The following CSMD1 variants were observed in gnomAD, a reference collection of about 807,000 sequenced individuals.
CSMD1 encodes CUB and sushi domain-containing protein 1.
Under a neutral mutation model 417.5 loss-of-function variants are expected in CSMD1, and 213 were observed. The observed-to-expected ratio is 0.51, with a 90% CI of 0.46 to 0.57. The LOEUF is 0.57. CSMD1 is among the 20% of genes least tolerant of loss of function. CSMD1 has a pLI of 0.00. For missense variants in CSMD1, 6,923 were observed against 4,529.7 expected, an observed-to-expected ratio of 1.53 and a Z score of -15.17; for synonymous variants, 2,862 against 1,736.8, an observed-to-expected ratio of 1.65 and a Z score of -16.11.
At chr8:3,790,165 T>A (rs953838851) in intron 5 of CSMD1, among the ~76,000 whole-genome samples, 3 of 152,258 alleles carry the variant, frequency 2.0e-5, no homozygotes, top group Admixed American at 6.5e-5. Flanking sequence ...CGTTTTATAA[T>A]TTCAAATACA....
At chr8:4,648,231 T>C (rs570911755) in intron 1 of CSMD1, among the ~76,000 whole-genome samples, 1 of 152,364 alleles carries the variant, frequency 6.6e-6, no homozygotes, top group African/African-American at 2.4e-5. Flanking sequence ...GAAGTGTCTG[T>C]TCATATCCTT....
At chr8:4,629,369 T>C (rs868677238) in intron 2 of CSMD1, among the ~76,000 whole-genome samples, 15 of 152,324 alleles carry the variant, frequency 9.8e-5, no homozygotes, top group South Asian at 6.2e-4. Context: ...CGAGCTATCA[T>C]ACTGCATTGT....
intron 5 of CSMD1, among the ~76,000 whole-genome samples, chr8:3,777,119 C>T (rs1267758330): frequency 2.2e-5 from 1 of 45,192 alleles, no homozygotes; most frequent in Non-Finnish European, 4.1e-5. Flanking sequence ...GCTATCTATA[C>T]CTACACACAC....
At chr8:3,730,267 G>A (rs1305775976) in intron 6 of CSMD1, among the ~76,000 whole-genome samples, 2 of 151,954 alleles carry the variant, frequency 1.3e-5, no homozygotes, top group Non-Finnish European at 1.5e-5. Context: ...TTGAGCACAT[G>A]GAGCCCCTTG....
At chr8:4,699,125 A>T (rs942960457) in intron 1 of CSMD1, among the ~76,000 whole-genome samples, 1 of 152,108 alleles carries the variant, frequency 6.6e-6, no homozygotes, top group Non-Finnish European at 1.5e-5. Context: ...TCAATCATTT[A>T]CTTGGATGAT....
At chr8:4,171,905 T>C (rs1797784420) in intron 3 of CSMD1, among the ~76,000 whole-genome samples, 1 of 152,216 alleles carries the variant, frequency 6.6e-6, no homozygotes, top group Non-Finnish European at 1.5e-5. Context: ...CTGCATGTTT[T>C]TACATAAATT....
In CSMD1 at chr8:2,935,735, G is replaced by A. The variant is rs1449341567; in HGVS notation, c.*2850C>T. The A allele has an allele frequency of 6.6e-6, 1 of 152,070 alleles. No individual in the cohort carries two copies. The highest frequency in any genetic ancestry group is 1.5e-5 in the Non-Finnish European group (1 of 68,010). The allele number at this position is 152,070 out of a possible 1,614,324, so 9.4% of individuals were successfully genotyped here. ...AGCGTGTGGTGGGACGGGAGGGAGG[G>A]TCGGCGATGACAATGGGTTTTCCTG... On this transcript the variant is annotated 3_prime_UTR_variant, in exon 70 of 70. Coordinates refer to ENST00000635120, the MANE Select transcript of CSMD1 (RefSeq NM_033225.6).
intron 46 of CSMD1, among the ~76,000 whole-genome samples, chr8:3,098,234 A>G (rs1018780323): frequency 1.3e-5 from 2 of 152,200 alleles, no homozygotes. Context: ...TTAATGAAAA[A>G]GAGCTTTTGT....
At chr8:4,972,394 C>G (rs1810296658) in intron 1 of CSMD1, among the ~76,000 whole-genome samples, 1 of 152,114 alleles carries the variant, frequency 6.6e-6, no homozygotes, top group Non-Finnish European at 1.5e-5. Context: ...CCATGCTGTT[C>G]TCATGATAGC....
intron 12 of CSMD1, among the ~76,000 whole-genome samples, chr8:3,414,878 G>C (rs982023966): frequency 1.3e-5 from 2 of 152,036 alleles, no homozygotes; most frequent in Admixed American, 1.3e-4. Flanking sequence ...GTCTGCGCTT[G>C]CTCGGGGATG....
intron 25 of CSMD1, among the ~76,000 whole-genome samples, chr8:3,298,533 A>T (rs1804140421): frequency 6.6e-6 from 1 of 152,154 alleles, no homozygotes; most frequent in Non-Finnish European, 1.5e-5. Flanking sequence ...GGCTCACTGC[A>T]ACCTCTGCCT....
At chr8:3,331,237 C>CAAAAAA (rs112278319) in intron 23 of CSMD1, among the ~76,000 whole-genome samples, 9,598 of 127,812 alleles carry the variant, frequency 0.075, 378 homozygotes, top group African/African-American at 0.1. Flanking sequence ...GACTCCGTCT[C>CAAAAAA]AAAAAAAAAA....
intron 1 of CSMD1, among the ~76,000 whole-genome samples, chr8:4,647,710 C>A (rs1460247161): frequency 1.3e-5 from 2 of 152,110 alleles, no homozygotes; most frequent in South Asian, 2.1e-4. Flanking sequence ...ATGAAGCTTC[C>A]AGCTTCATCC....
rs189134412 is a variant in CSMD1 at position 3,333,985 on chromosome 8, C to G, written c.3631+9309G>C. On this transcript the variant is annotated intron_variant, in intron 23 of 69. Transcript: ENST00000635120. ...TCAGCTTGTATAGGATTTCCAAAATCTAGTTCTTAAAAAGAAGTAATCAAT... is the reference window on the plus strand; with the variant it reads ...TCAGCTTGTATAGGATTTCCAAAATGTAGTTCTTAAAAAGAAGTAATCAAT... Among the ~76,000 whole-genome samples, 937 of 152,230 alleles carry G rather than the reference C, an allele frequency of 6.2e-3. 8 individuals carry two copies. Among genetic ancestry groups the G allele is most frequent in the African/African-American group, 0.022 (893 of 41,526 alleles).
chr8:3,208,141 T>C (rs1235100117), intron 30 of CSMD1, among the ~76,000 whole-genome samples: 2 of 152,212 alleles, frequency 1.3e-5, no homozygotes, highest in African/African-American at 2.4e-5. Flanking sequence ...AATTCAAACA[T>C]ATCATTTTGC....
At chr8:4,130,953 T>C (rs1022908768) in intron 3 of CSMD1, among the ~76,000 whole-genome samples, 1 of 152,104 alleles carries the variant, frequency 6.6e-6, no homozygotes, top group Non-Finnish European at 1.5e-5. Context: ...ATCTAATCTA[T>C]AAAATAGAAA....
chr8:3,137,773 AC>A (rs1818193144), intron 41 of CSMD1, among the ~76,000 whole-genome samples: 1 of 152,224 alleles, frequency 6.6e-6, no homozygotes, highest in Admixed American at 6.5e-5. Context: ...TGGAAACACA[AC>A]CATGTGTTGT....
At chr8:4,020,129 A>T (rs2740935) in intron 4 of CSMD1, among the ~76,000 whole-genome samples, 32,515 of 152,010 alleles carry the variant, frequency 0.21, 4,190 homozygotes, top group South Asian at 0.3. Flanking sequence ...CTCTTTGCTA[A>T]CCATTTTACC....
intron 1 of CSMD1, among the ~76,000 whole-genome samples, chr8:4,762,619 C>T (rs1304354726): frequency 3.3e-5 from 5 of 152,194 alleles, no homozygotes; most frequent in East Asian, 1.9e-4. Flanking sequence ...TGATGGGCCC[C>T]GCATTTGCAT....
Sources: allele counts gnomAD v4.1 joint callset (sites outside exome capture counted in the v4.1 genomes callset), GRCh38; gene constraint gnomAD v4.1.1; transcripts MANE v1.5; gene names NCBI Gene and HGNC (gene_info 2026-07-23, HGNC 2026-07-21).